The following TMEM117 variants were observed in gnomAD, a reference collection of about 807,000 sequenced individuals.
The protein encoded by TMEM117 is transmembrane protein 117.
A neutral mutation model predicts 52.4 loss-of-function variants in TMEM117; 27 were observed. That is an observed-to-expected ratio of 0.51 (90% CI 0.38 to 0.71). The LOEUF (loss-of-function observed/expected upper bound fraction) is 0.71. Ranked by LOEUF, TMEM117 falls within the 30% of genes least tolerant of loss-of-function variation. The pLI, the probability that TMEM117 is intolerant of heterozygous loss-of-function variation, is 0.00. For synonymous variants in TMEM117, 215 were observed against 206.3 expected, an observed-to-expected ratio of 1.04 and a Z score of -0.36; for missense variants, 556 against 630.5, an observed-to-expected ratio of 0.88 and a Z score of 1.26.
chr12:44,317,321 T>G (rs573497273), intron 6 of TMEM117, among the ~76,000 whole-genome samples: 34 of 151,544 alleles, frequency 2.2e-4, no homozygotes, highest in Admixed American at 5.9e-4. Context: ...TAATTTTTCT[T>G]TGTTTTTCTC....
At chr12:43,806,050 G>T in the TMEM117 span, 6 of 1,518,674 alleles carry the variant, frequency 4.0e-6, no homozygotes, top group Non-Finnish European at 4.4e-6. Context: ...GACGCAGGCC[G>T]GCAGCGCCCG....
At chr12:44,173,740 A>G (rs1212635329) in intron 4 of TMEM117, among the ~76,000 whole-genome samples, 1 of 151,956 alleles carries the variant, frequency 6.6e-6, no homozygotes, top group Non-Finnish European at 1.5e-5. Context: ...TTTGATTGCA[A>G]TATTATGTAT....
chr12:43,939,124 A>T (rs546023763), intron 2 of TMEM117, among the ~76,000 whole-genome samples: 2 of 152,334 alleles, frequency 1.3e-5, no homozygotes, highest in African/African-American at 2.4e-5. Flanking sequence ...TATTTGCAAC[A>T]GGAATATTAC....
At chr12:44,020,301 G>A (rs1373784808) in intron 3 of TMEM117, among the ~76,000 whole-genome samples, 2 of 152,106 alleles carry the variant, frequency 1.3e-5, no homozygotes, top group Non-Finnish European at 2.9e-5. Context: ...ATCTGACAAG[G>A]GTCAGCATTC....
intron 5 of TMEM117, among the ~76,000 whole-genome samples, chr12:44,237,110 C>T (rs1950006413): frequency 6.6e-6 from 1 of 151,978 alleles, no homozygotes; most frequent in African/African-American, 2.4e-5. Context: ...AAAGAATATT[C>T]TTTCTATATG....
At chr12:44,138,392 A>G (rs1034310125) in intron 3 of TMEM117, among the ~76,000 whole-genome samples, 23 of 152,150 alleles carry the variant, frequency 1.5e-4, no homozygotes, top group African/African-American at 5.1e-4. Context: ...AAGGAAAGGG[A>G]GAAATTGATG....
At chr12:44,258,970 T>C (rs1950291610) in intron 5 of TMEM117, among the ~76,000 whole-genome samples, 1 of 152,176 alleles carries the variant, frequency 6.6e-6, no homozygotes, top group African/African-American at 2.4e-5. Flanking sequence ...AAATATAAAA[T>C]ATCAAATTCA....
intron 1 of TMEM117, among the ~76,000 whole-genome samples, chr12:43,843,773 G>T (rs1003323684): frequency 6.6e-6 from 1 of 152,148 alleles, no homozygotes; most frequent in Non-Finnish European, 1.5e-5. Context: ...AGTCCTTTCT[G>T]TGGGCTACTA....
intron 4 of TMEM117, among the ~76,000 whole-genome samples, chr12:44,157,314 T>C (rs763613177): frequency 6.6e-6 from 1 of 152,290 alleles, no homozygotes; most frequent in South Asian, 2.1e-4. Context: ...TTAGAGGATA[T>C]GGCTGTGAAC....
the TMEM117 span, among the ~76,000 whole-genome samples, chr12:43,810,107 A>C: frequency 6.6e-6 from 1 of 152,218 alleles, no homozygotes; most frequent in South Asian, 2.1e-4. Context: ...GTTGATAATG[A>C]TAAGGATGCA....
chr12:44,273,094 C>G (rs1467209583), intron 5 of TMEM117, among the ~76,000 whole-genome samples: 1 of 151,972 alleles, frequency 6.6e-6, no homozygotes, highest in Non-Finnish European at 1.5e-5. Flanking sequence ...AGCTGGAAAC[C>G]ATCATTCTCA....
intron 5 of TMEM117, among the ~76,000 whole-genome samples, chr12:44,238,439 G>A (rs904348661): frequency 3.3e-5 from 5 of 151,972 alleles, no homozygotes. Context: ...TTACTAAATC[G>A]AGGGATTTTA....
At chr12:44,289,225 TTGTGTGTGTG>T (rs59507806) in intron 5 of TMEM117, among the ~76,000 whole-genome samples, 5,201 of 146,044 alleles carry the variant, frequency 0.036, 109 homozygotes, top group Middle Eastern at 0.13. Context: ...CTATCCCATT[TTGTGTGTGTG>T]TGTGTGTGTG....
chr12:44,110,052 G>T (rs1208071503), intron 3 of TMEM117, among the ~76,000 whole-genome samples: 1 of 71,946 alleles, frequency 1.4e-5, no homozygotes, highest in South Asian at 6.9e-4. Context: ...TTTGTACATT[G>T]ATTTTGTATC....
chr12:44,079,605 G>C (rs1272537831), intron 3 of TMEM117, among the ~76,000 whole-genome samples: 4 of 152,016 alleles, frequency 2.6e-5, no homozygotes, highest in Non-Finnish European at 5.9e-5. Context: ...AATATGTAAA[G>C]ATATCTCAAG....
chr12:44,115,816 T>C lies in TMEM117; in HGVS notation c.411-27709T>C, dbSNP rs559194178. On this transcript the variant is annotated intron_variant, in intron 3 of 7. Transcript: ENST00000266534. ...TCTCTGCACTCAAGAAACTTAGAGTTAAATAGAGAAATCAGGTCTTTACAA... is the reference window on the plus strand; with the variant it reads ...TCTCTGCACTCAAGAAACTTAGAGTCAAATAGAGAAATCAGGTCTTTACAA... 5.9e-4 allele frequency among the ~76,000 whole-genome samples: 90 copies of C among 152,322 alleles called. 1 individual carries two copies. Among genetic ancestry groups the C allele is most frequent in the Admixed American group, 5.9e-4 (9 of 15,294 alleles).
intron 4 of TMEM117, among the ~76,000 whole-genome samples, chr12:44,191,702 A>G (rs1327911695): frequency 6.6e-6 from 1 of 152,154 alleles, no homozygotes; most frequent in East Asian, 1.9e-4. Flanking sequence ...CACAACAATC[A>G]TGTCACGAAT....
chr12:44,162,198 A>G (rs1375664639), intron 4 of TMEM117, among the ~76,000 whole-genome samples: 1 of 152,152 alleles, frequency 6.6e-6, no homozygotes, highest in African/African-American at 2.4e-5. Context: ...CTGTATGTGG[A>G]CAGAGAATTT....
At chr12:44,311,133 TAAAAC>T (rs1395638148) in intron 6 of TMEM117, among the ~76,000 whole-genome samples, 1 of 152,042 alleles carries the variant, frequency 6.6e-6, no homozygotes, top group Admixed American at 6.5e-5. Context: ...AGCTGAAAAA[TAAAAC>T]TAAATATATT....
Sources: allele counts gnomAD v4.1 joint callset (sites outside exome capture counted in the v4.1 genomes callset), GRCh38; gene constraint gnomAD v4.1.1; transcripts MANE v1.5; gene names NCBI Gene and HGNC (gene_info 2026-07-23, HGNC 2026-07-21).